RBFOX1: variants seen among roughly 807,000 people sequenced by gnomAD.
RBFOX1 encodes the protein RNA binding protein fox-1 homolog 1.
RBFOX1 carries 8 observed loss-of-function variants against 57.7 expected under a neutral mutation model. The ratio of observed to expected loss-of-function variants is 0.14; its 90% CI spans 0.08 to 0.25. The LOEUF (loss-of-function observed/expected upper bound fraction) is 0.25, where lower values mean the gene tolerates loss of function less well. Among genes scored for constraint, RBFOX1 ranks in the 10% least tolerant of loss-of-function variants. The pLI, the probability that RBFOX1 is intolerant of heterozygous loss-of-function variation, is 1.00. For synonymous variants in RBFOX1, 326 were observed against 222.4 expected, an observed-to-expected ratio of 1.47 and a Z score of -4.15; for missense variants, 611 against 548.5, an observed-to-expected ratio of 1.11 and a Z score of -1.14.
chr16:6,795,841 A>G (rs180994318), intron 3 of RBFOX1, among the ~76,000 whole-genome samples: 2 of 151,758 alleles, frequency 1.3e-5, no homozygotes, highest in East Asian at 3.9e-4. Context: ...AAGAAATGAC[A>G]CATGTATGTC....
chr16:5,292,947 T>G (rs1264018850), intron 1 of RBFOX1, among the ~76,000 whole-genome samples: 1 of 152,066 alleles, frequency 6.6e-6, no homozygotes, highest in Non-Finnish European at 1.5e-5. Context: ...AAAGCACATT[T>G]CTCTCAAATT....
Position 7,319,721 on chromosome 16 carries a change from C to G in RBFOX1, c.28-198426C>G, listed in dbSNP as rs557143094. On this transcript the variant is annotated intron_variant, in intron 4 of 15. Coordinates refer to ENST00000550418, the MANE Select transcript of RBFOX1 (RefSeq NM_018723.4). Reference sequence around the variant, plus strand: ...CTTACTTAGCAATTACATCAACATCCTTGGTCATGTGAAGCAGGCAGAGGA... The same window carrying G: ...CTTACTTAGCAATTACATCAACATCGTTGGTCATGTGAAGCAGGCAGAGGA... Among the ~76,000 whole-genome samples, 4 of 152,288 alleles carry G rather than the reference C, an allele frequency of 2.6e-5. No homozygotes were observed. The East Asian group carries it at 7.7e-4, about 29-fold the overall frequency.
intron 4 of RBFOX1, among the ~76,000 whole-genome samples, chr16:5,886,590 T>C (rs138807404): frequency 7.9e-5 from 12 of 152,326 alleles, no homozygotes; most frequent in African/African-American, 2.4e-4. Context: ...TGACTCATTA[T>C]TCAAATCGTC....
chr16:7,382,053 A>T (rs1196625270), intron 4 of RBFOX1, among the ~76,000 whole-genome samples: 1 of 152,232 alleles, frequency 6.6e-6, no homozygotes, highest in Non-Finnish European at 1.5e-5. Context: ...AGCATTTATA[A>T]ATCAGTTGGA....
chr16:6,031,011 G>T (rs2095280527), intron 1 of RBFOX1, among the ~76,000 whole-genome samples: 1 of 152,174 alleles, frequency 6.6e-6, no homozygotes, highest in South Asian at 2.1e-4. Context: ...AAACATGAAT[G>T]CAGGTAAAAA....
intron 3 of RBFOX1, among the ~76,000 whole-genome samples, chr16:6,677,621 C>T (rs77334229): frequency 2.2e-4 from 34 of 152,250 alleles, no homozygotes; most frequent in African/African-American, 7.7e-4. Context: ...AAGATAAAAT[C>T]TCATTAAAAG....
intron 3 of RBFOX1, among the ~76,000 whole-genome samples, chr16:6,768,454 C>T (rs540429905): frequency 5.4e-4 from 82 of 151,560 alleles, no homozygotes; most frequent in Non-Finnish European, 8.4e-4. Flanking sequence ...GGGAAAATTC[C>T]CCCCCAGCCC....
chr16:6,929,930 T>C (rs905518050), intron 3 of RBFOX1, among the ~76,000 whole-genome samples: 2 of 152,192 alleles, frequency 1.3e-5, no homozygotes, highest in African/African-American at 2.4e-5. Context: ...ACATCCACTA[T>C]GCATTCCTTA....
At chr16:6,562,768 C>G (rs2097195089) in intron 2 of RBFOX1, among the ~76,000 whole-genome samples, 2 of 151,482 alleles carry the variant, frequency 1.3e-5, no homozygotes, top group Admixed American at 6.6e-5. Context: ...TTTTTTCTTT[C>G]TAATTGAGAA....
At position 5,551,689 on chromosome 16, in the gene RBFOX1, G is replaced by A. The variant is rs1184101645; in HGVS notation, c.259-47213G>A. 2.0e-5 allele frequency among the ~76,000 whole-genome samples: 3 copies of A among 152,134 alleles called. No individual in the cohort carries two copies. In the East Asian group the frequency reaches 5.8e-4, roughly 29 times the overall value. On this transcript the variant is annotated intron_variant, in intron 2 of 2. Coordinates refer to the RBFOX1 transcript ENST00000585867. ...GATACACGTGCAGGTTTGTTACAGA[G>A]GTATACATGTGCCATGGTAGTTTGC...
chr16:6,543,996 C>G (rs1484572533), intron 2 of RBFOX1, among the ~76,000 whole-genome samples: 1 of 152,156 alleles, frequency 6.6e-6, no homozygotes, highest in African/African-American at 2.4e-5. Context: ...TGAAAAGCAC[C>G]TTGTCTCTGG....
chr16:6,338,924 A>C (rs139346052), intron 2 of RBFOX1, among the ~76,000 whole-genome samples: 153 of 152,318 alleles, frequency 1.0e-3, no homozygotes, highest in African/African-American at 3.4e-3. Context: ...ATGCAGGAGA[A>C]TGAAATGGGA....
chr16:5,639,700 A>C (rs768268250), intron 3 of RBFOX1, among the ~76,000 whole-genome samples: 8 of 152,174 alleles, frequency 5.3e-5, no homozygotes, highest in Non-Finnish European at 7.3e-5. Flanking sequence ...ACCAGGCTGT[A>C]GGTGGCTGAG....
At chr16:6,477,739 T>G (rs566405737) in intron 2 of RBFOX1, among the ~76,000 whole-genome samples, 1 of 152,366 alleles carries the variant, frequency 6.6e-6, no homozygotes, top group East Asian at 1.9e-4. Flanking sequence ...CTATGAAAGT[T>G]ATAGATACCA....
intron 1 of RBFOX1, among the ~76,000 whole-genome samples, chr16:5,381,307 G>A (rs145214171): frequency 1.3e-5 from 2 of 152,290 alleles, no homozygotes; most frequent in East Asian, 1.9e-4. Context: ...AAATCTCTCC[G>A]TAAGCTACAG....
intron 1 of RBFOX1, among the ~76,000 whole-genome samples, chr16:6,173,604 C>CCTTT (rs774297329): frequency 5.9e-4 from 42 of 70,966 alleles, no homozygotes; most frequent in Non-Finnish European, 7.0e-4. Context: ...TGACCACTCC[C>CCTTT]TTTTTTTTTT....
chr16:7,041,951 G>T (rs2046317316), intron 3 of RBFOX1, among the ~76,000 whole-genome samples: 1 of 152,194 alleles, frequency 6.6e-6, no homozygotes, highest in Admixed American at 6.5e-5. Flanking sequence ...TGCCTGCAGA[G>T]ATTATATAAT....
chr16:6,908,067 A>C (rs1050036130), intron 3 of RBFOX1, among the ~76,000 whole-genome samples: 1 of 151,822 alleles, frequency 6.6e-6, no homozygotes, highest in Non-Finnish European at 1.5e-5. Flanking sequence ...TCTTCTGCAG[A>C]GACCCCATTT....
At chr16:6,783,011 T>G (rs993828576) in intron 3 of RBFOX1, among the ~76,000 whole-genome samples, 1 of 152,138 alleles carries the variant, frequency 6.6e-6, no homozygotes, top group Non-Finnish European at 1.5e-5. Flanking sequence ...TTTTACAGAT[T>G]TTGTCTTGAA....
Sources: gnomAD v4.1 joint callset for allele counts (sites outside exome capture counted in the v4.1 genomes callset) on GRCh38, gnomAD v4.1.1 for gene constraint, MANE v1.5 for transcripts, NCBI Gene and HGNC (gene_info 2026-07-23, HGNC 2026-07-21) for gene names.